CFAP20DC: variants seen among roughly 807,000 people sequenced by gnomAD.
The protein encoded by CFAP20DC is protein CFAP20DC.
Under a neutral mutation model 101.7 loss-of-function variants are expected in CFAP20DC, and 84 were observed. That is an observed-to-expected ratio of 0.83 (90% confidence interval 0.69 to 0.99). The LOEUF (loss-of-function observed/expected upper bound fraction) is 0.99, where lower values mean the gene tolerates loss of function less well. Among genes scored for constraint, CFAP20DC ranks in the 50% least tolerant of loss-of-function variants. The probability of loss-of-function intolerance (pLI) is 0.00; values close to 1 mark genes in which losing one functional copy is unlikely to be tolerated. For missense variants in CFAP20DC, 1,007 were observed against 970.3 expected, an observed-to-expected ratio of 1.04 and a Z score of -0.50; for synonymous variants, 359 against 351.2, an observed-to-expected ratio of 1.02 and a Z score of -0.25.
At chr3:58,856,000 A>C (rs989164520) in intron 12 of CFAP20DC, among the ~76,000 whole-genome samples, 2 of 151,052 alleles carry the variant, frequency 1.3e-5, no homozygotes, top group Non-Finnish European at 1.5e-5. Context: ...AAAAATAAAA[A>C]AAAGAAAGAA....
In CFAP20DC at chr3:58,938,377, A is replaced by G. The variant is rs776172622; in HGVS notation, c.279-615T>C. 5.9e-5 allele frequency among the ~76,000 whole-genome samples: 9 copies of G among 152,298 alleles called. No individual in the cohort carries two copies. In the South Asian group the frequency reaches 1.0e-3, roughly 18 times the overall value. ...GATTTAGACCACAGCCATGATCACA[A>G]AGATTAGGTTTGCTTCAAATTGATA... is the stretch of plus-strand genomic sequence containing the variant. On this transcript the variant is annotated intron_variant, in intron 4 of 16. Transcript: ENST00000482387.
At chr3:58,967,721 A>G (rs763325571) in intron 4 of CFAP20DC, among the ~76,000 whole-genome samples, 1 of 152,154 alleles carries the variant, frequency 6.6e-6, no homozygotes, top group Non-Finnish European at 1.5e-5. Context: ...TTGAACTTCT[A>G]TTTTAGGTTT....
chr3:59,016,106 C>G (rs964483259), intron 4 of CFAP20DC, among the ~76,000 whole-genome samples: 4 of 151,882 alleles, frequency 2.6e-5, no homozygotes, highest in Non-Finnish European at 4.4e-5. Flanking sequence ...TGAGAGATAG[C>G]TAAGATATGG....
intron 15 of CFAP20DC, among the ~76,000 whole-genome samples, chr3:58,792,229 G>A (rs2072916453): frequency 6.6e-6 from 1 of 152,128 alleles, no homozygotes; most frequent in African/African-American, 2.4e-5. Flanking sequence ...AATATAACTT[G>A]AATCATAATC....
chr3:58,765,026 A>G (rs2070135068), intron 15 of CFAP20DC, among the ~76,000 whole-genome samples: 1 of 152,212 alleles, frequency 6.6e-6, no homozygotes, highest in Non-Finnish European at 1.5e-5. Context: ...GATTGATTTA[A>G]TACTAAAATC....
chr3:58,847,265 A>G (rs1244781689), intron 13 of CFAP20DC, among the ~76,000 whole-genome samples: 131 of 138,104 alleles, frequency 9.5e-4, no homozygotes, highest in Non-Finnish European at 9.4e-4. Context: ...CAACCTACTC[A>G]TCTGACAAAG....
intron 5 of CFAP20DC, among the ~76,000 whole-genome samples, chr3:58,919,723 C>T (rs957797937): frequency 7.2e-5 from 11 of 152,156 alleles, no homozygotes; most frequent in African/African-American, 2.7e-4. Flanking sequence ...TATACATATA[C>T]ATTGTTGAAT....
Position 58,831,997 on chromosome 3 carries a change from C to A in CFAP20DC, c.1972-108G>T, listed in dbSNP as rs879759562. ...CAGCAGCTCCCCCAACTGACAGAGGCCCAAATCCCTAACATGCCTCCATGC... is the reference window on the plus strand; with the variant it reads ...CAGCAGCTCCCCCAACTGACAGAGGACCAAATCCCTAACATGCCTCCATGC... On this transcript the variant is annotated intron_variant, in intron 13 of 16. Coordinates refer to ENST00000482387, the MANE Select transcript of CFAP20DC (RefSeq NM_001394063.1). 3 of 875,666 alleles carry A rather than the reference C, an allele frequency of 3.4e-6. No individual in the cohort carries two copies. In the East Asian group the frequency reaches 7.5e-5, roughly 22 times the overall value. The allele number at this position is 875,666 out of a possible 1,614,324, so 54.2% of individuals were successfully genotyped here.
intron 14 of CFAP20DC, 111 bp from the exon 15 acceptor site, chr3:58,806,567 A>T: frequency 2.1e-3 from 1,416 of 659,982 alleles, no homozygotes; most frequent in East Asian, 3.5e-3. Flanking sequence ...ACCCACAAGA[A>T]GGGTATGGGT....
intron 4 of CFAP20DC, among the ~76,000 whole-genome samples, chr3:58,941,215 G>A (rs1017978691): frequency 6.7e-6 from 1 of 150,018 alleles, no homozygotes; most frequent in Admixed American, 6.7e-5. Flanking sequence ...TATAATCCCA[G>A]CTACTCAGGA....
chr3:58,962,995 C>A (rs2091262071), intron 4 of CFAP20DC, among the ~76,000 whole-genome samples: 1 of 151,984 alleles, frequency 6.6e-6, no homozygotes, highest in African/African-American at 2.4e-5. Context: ...ATACCACCAA[C>A]ATTGCTAAGG....
At chr3:58,852,094 CT>C (rs937775743) in intron 12 of CFAP20DC, among the ~76,000 whole-genome samples, 42 of 152,242 alleles carry the variant, frequency 2.8e-4, no homozygotes, top group Admixed American at 2.4e-3. Flanking sequence ...TCCACTTTTG[CT>C]TTGACTGGGC....
chr3:59,049,735 A>C lies in CFAP20DC; in HGVS notation c.-104T>G. 3 of 1,402,402 alleles carry C rather than the reference A, an allele frequency of 2.1e-6. No individual in the cohort carries two copies. The highest frequency in any genetic ancestry group is 2.7e-5 in the South Asian group (2 of 74,594). The allele number at this position is 1,402,402 out of a possible 1,614,324, so 86.9% of individuals were successfully genotyped here. A position where few individuals can be genotyped will look rare whatever the true frequency, so the allele number is the denominator to read the frequency against. ...CGGCTGGCGGGAACCCAGGAGCCCG[A>C]CGGGTGGGAAAGGGCTTCGTGCTTG... On this transcript the variant is annotated 5_prime_UTR_variant, in exon 1 of 17. Coordinates refer to ENST00000482387, the MANE Select transcript of CFAP20DC (RefSeq NM_001394063.1).
intron 4 of CFAP20DC, among the ~76,000 whole-genome samples, chr3:58,972,082 T>A (rs991243091): frequency 6.6e-6 from 1 of 152,100 alleles, no homozygotes; most frequent in African/African-American, 2.4e-5. Context: ...AAAATAAATA[T>A]GCGAAAACAA....
At chr3:58,723,343 T>C (rs1048541838) in intron 3 of CFAP20DC, among the ~76,000 whole-genome samples, 6 of 152,216 alleles carry the variant, frequency 3.9e-5, no homozygotes, top group African/African-American at 1.2e-4. Context: ...CGTATAGTCA[T>C]CCAATATTAT....
chr3:58,867,640 T>A (rs958251564), intron 10 of CFAP20DC, among the ~76,000 whole-genome samples, 177 bp downstream of exon 10: 4 of 152,192 alleles, frequency 2.6e-5, no homozygotes, highest in African/African-American at 9.6e-5. Flanking sequence ...CAAATCTCCA[T>A]TAGGGATCTA....
chr3:58,769,796 C>T (rs536220132), intron 15 of CFAP20DC, among the ~76,000 whole-genome samples: 5 of 152,318 alleles, frequency 3.3e-5, no homozygotes, highest in African/African-American at 9.6e-5. Flanking sequence ...TAAACAACTA[C>T]TACTGTGTTT....
chr3:58,761,451 G>A (rs983569061), intron 15 of CFAP20DC, among the ~76,000 whole-genome samples: 1 of 152,002 alleles, frequency 6.6e-6, no homozygotes, highest in Non-Finnish European at 1.5e-5. Context: ...TCTTGCTAGT[G>A]GTCTATCAAT....
intron 4 of CFAP20DC, 148 bp downstream of exon 4, chr3:59,039,409 T>A (rs2094158319): frequency 5.3e-6 from 3 of 569,170 alleles, no homozygotes; most frequent in Non-Finnish European, 9.2e-6. Context: ...TATGATTAAA[T>A]TAGTTTAATT....
Sources: allele counts gnomAD v4.1 joint callset (sites outside exome capture counted in the v4.1 genomes callset), GRCh38; gene constraint gnomAD v4.1.1; transcripts MANE v1.5; gene names NCBI Gene and HGNC (gene_info 2026-07-23, HGNC 2026-07-21).